The following KCNH4 variants were observed in gnomAD, a reference collection of about 807,000 sequenced individuals.
KCNH4 encodes potassium voltage-gated channel subfamily H member 4, also known as voltage-gated delayed rectifier potassium channel KCNH4.
Under a neutral mutation model 90.7 loss-of-function variants are expected in KCNH4, and 33 were observed. That is an observed-to-expected ratio of 0.36 (90% CI 0.28 to 0.49). KCNH4 has a LOEUF of 0.49. KCNH4 is among the 20% of genes least tolerant of loss of function. The pLI is 0.98. For missense variants in KCNH4, 1,044 were observed against 1,387.1 expected, an observed-to-expected ratio of 0.75 and a Z score of 3.93; for synonymous variants, 551 against 581.7, an observed-to-expected ratio of 0.95 and a Z score of 0.76.
chr17:42,173,493 G>C (rs1383202613), intron 6 of KCNH4, among the ~76,000 whole-genome samples: 30 of 151,782 alleles, frequency 2.0e-4, no homozygotes. Context: ...CATTCTCCTT[G>C]GACTAGAATA....
At chr17:42,179,053 G>T (rs781621466) in intron 1 of KCNH4, 27 bp from the exon 2 acceptor site, 21 of 1,577,934 alleles carry the variant, frequency 1.3e-5, no homozygotes, top group Non-Finnish European at 1.7e-5. Flanking sequence ...TCAAGGTCAG[G>T]TCAAGGCTGG....
At chr17:42,175,775 A>T (rs1464825759) in intron 5 of KCNH4, 39 bp from the exon 6 acceptor site, 1 of 1,611,502 alleles carries the variant, frequency 6.2e-7, no homozygotes, top group African/African-American at 1.3e-5. Flanking sequence ...GGCCTTGGCA[A>T]AGGGGTCAAG....
intron 15 of KCNH4, among the ~76,000 whole-genome samples, chr17:42,160,711 C>T (rs1356878810): frequency 1.3e-5 from 2 of 152,210 alleles, no homozygotes; most frequent in Admixed American, 6.5e-5. Context: ...GGCCACACAT[C>T]TGTGAAGTGA....
intron 14 of KCNH4, among the ~76,000 whole-genome samples, chr17:42,162,773 A>G (rs1053791229): frequency 6.6e-6 from 1 of 151,908 alleles, no homozygotes; most frequent in East Asian, 1.9e-4. Flanking sequence ...TTGTATTTTT[A>G]GTAGAGATGG....
chr17:42,178,117 C>T lies in KCNH4; in HGVS notation c.568G>A (p.Gly190Ser), dbSNP rs1451729582. ...TGHFGRRGQGGMKANNNVFEP... is the reference protein window; with the variant it reads ...TGHFGRRGQGSMKANNNVFEP... Reference sequence around the variant, plus strand: ...GGACTCACATTATTGGCCTTCATGCCTCCCTGGCCCCGGCGGCCAAAGTGG... The same window carrying T: ...GGACTCACATTATTGGCCTTCATGCTTCCCTGGCCCCGGCGGCCAAAGTGG... Residue 190 changes from glycine (G) to serine (S), a missense_variant, in exon 4 of 17, where the codon GGC (glycine) becomes AGC (serine). Gly to Ser is a moderately conservative substitution (Grantham distance 56). This residue lies in a region of KCNH4 where 283 missense variants were observed against 378.6 expected (regional missense o/e 0.75). Coordinates refer to ENST00000264661, the MANE Select transcript of KCNH4 (RefSeq NM_012285.3). 4.3e-6 allele frequency: 7 copies of T among 1,613,888 alleles called. No homozygotes were observed. The highest frequency in any genetic ancestry group is 3.3e-5 in the Admixed American group (2 of 59,984).
At chr17:42,162,559 A>C (rs534928216) in intron 14 of KCNH4, among the ~76,000 whole-genome samples, 2 of 151,200 alleles carry the variant, frequency 1.3e-5, no homozygotes, top group Admixed American at 6.6e-5. Flanking sequence ...GTCTGAACAC[A>C]GCATCCCTCT....
Position 42,159,988 on chromosome 17 carries a change from G to C in KCNH4, c.*52C>G. The C allele has an allele frequency of 7.1e-7, 1 of 1,416,156 alleles. No individual in the cohort carries two copies. Among genetic ancestry groups the C allele is most frequent in the Non-Finnish European group, 9.4e-7 (1 of 1,067,596 alleles). 87.7% of individuals were successfully genotyped at this position (1,416,156 alleles called of 1,614,324 possible). A position where few individuals can be genotyped will look rare whatever the true frequency, so the allele number is the denominator to read the frequency against. On this transcript the variant is annotated 3_prime_UTR_variant, in exon 16 of 17. Coordinates refer to ENST00000264661, the MANE Select transcript of KCNH4 (RefSeq NM_012285.3). Reference sequence around the variant, plus strand: ...AAGCCAAGGGGCCCAGGTCCTCCCTGAGTGGTGAGCGGCAGCGCCCACCCC... The same window carrying C: ...AAGCCAAGGGGCCCAGGTCCTCCCTCAGTGGTGAGCGGCAGCGCCCACCCC...
rs869250233 is a variant in KCNH4, at chr17:42,176,509, C to CTTTTTTTTTTTT, written c.586-224_586-213dup. Among the ~76,000 whole-genome samples the CTTTTTTTTTTTT allele has an allele frequency of 2.0e-4, 14 of 68,460 alleles. 3 individuals are homozygous for CTTTTTTTTTTTT. The highest frequency in any genetic ancestry group is 9.2e-4 in the African/African-American group (14 of 15,172). The allele number at this position is 68,460 out of a possible 152,430, so 44.9% of individuals were successfully genotyped here. ...GCCAAGTATTTCCCAGGCCCTCCTC[C>CTTTTTTTTTTTT]TTTTTTTTTTTTTTTTTTTTTTTTT... On this transcript the variant is annotated intron_variant, in intron 4 of 16. Coordinates refer to ENST00000264661, the MANE Select transcript of KCNH4 (RefSeq NM_012285.3).
intron 7 of KCNH4, 90 bp downstream of exon 7, chr17:42,171,698 G>T: frequency 9.0e-7 from 1 of 1,109,706 alleles, no homozygotes; most frequent in Non-Finnish European, 1.4e-6. Context: ...AGGAATGTGG[G>T]ATGAGGGGTG....
Position 42,180,782 on chromosome 17 carries a change from G to T in KCNH4, c.76+88C>A. 7.5e-7 allele frequency: 1 copy of T among 1,324,584 alleles called. No homozygotes were observed. The highest frequency in any genetic ancestry group is 1.1e-6 in the Non-Finnish European group (1 of 924,278). 82.1% of individuals were successfully genotyped at this position (1,324,584 alleles called of 1,614,324 possible). ...CCTCCATTCTCTCCCCTCGCCTCGG[G>T]TCTCACCATGTCCAGGAGATCCGAG... On this transcript the variant is annotated intron_variant, in intron 1 of 16. Coordinates refer to ENST00000264661, the MANE Select transcript of KCNH4 (RefSeq NM_012285.3). The surrounding 1 kb of genome is among the most constrained non-coding windows in gnomAD (Gnocchi z 4.7).
Position 42,165,533 on chromosome 17 carries a change from C to A in KCNH4, c.2001G>T (p.Arg667Ser). ...LSSRGLAEVL[R>S]LYPEYGAAFR... ...AGGCAGCCCCATACTCAGGATAGAG[C>A]CTCAGGACCTCAGCCAGCCCTCGGC... Residue 667 changes from arginine (R) to serine (S), a missense_variant, in exon 11 of 17, where the codon AGG becomes AGT. Arg to Ser is a moderately radical substitution (Grantham distance 110). Around this residue, in one of 4 missense-constraint regions of KCNH4, gnomAD observed 441 missense variants for 512.3 expected, o/e 0.86. Coordinates refer to ENST00000264661, the MANE Select transcript of KCNH4 (RefSeq NM_012285.3). 8 of 1,614,184 alleles carry A rather than the reference C, an allele frequency of 5.0e-6. No individual in the cohort carries two copies. The highest frequency in any genetic ancestry group is 6.8e-6 in the Non-Finnish European group (8 of 1,180,020).
At position 42,173,693 on chromosome 17, in the gene KCNH4, C is replaced by CTTTTTT. The variant is rs532100884; in HGVS notation, c.988-1704_988-1699dup. ...AGACTGGAAGTTTAGCGATCTGGTT[C>CTTTTTT]TTTTTTTTTTTTTTTTTTTTTTTTT... On this transcript the variant is annotated intron_variant, in intron 6 of 16. Transcript: ENST00000264661. Among the ~76,000 whole-genome samples the CTTTTTT allele has an allele frequency of 3.3e-4, 22 of 66,270 alleles. 1 individual carries two copies. Among genetic ancestry groups the CTTTTTT allele is most frequent in the Admixed American group, 5.5e-4 (2 of 3,616 alleles). The allele number at this position is 66,270 out of a possible 152,430, so 43.5% of individuals were successfully genotyped here.
In KCNH4 at chr17:42,169,485, C is replaced by T. The variant is rs530846940; in HGVS notation, c.1582G>A (p.Ala528Thr). 29 of 1,612,756 alleles carry T rather than the reference C, an allele frequency of 1.8e-5. No homozygotes were observed. The South Asian group carries it at 2.3e-4, about 13-fold the overall frequency. The change falls in exon 9 of 17, where the codon GCC becomes ACC. Residue 528 changes from alanine (A) to threonine (T), a missense_variant. Ala to Thr is a moderately conservative substitution (Grantham distance 58). Coordinates refer to ENST00000264661, the MANE Select transcript of KCNH4 (RefSeq NM_012285.3). ...TTWAVNSGID[A>T]NELLRDFPDE... ...GAGACCCTGCAGGCTACCTCGTTGGCGTCGATGCCGCTGTTGACGGCCCAC... is the reference window on the plus strand; with the variant it reads ...GAGACCCTGCAGGCTACCTCGTTGGTGTCGATGCCGCTGTTGACGGCCCAC...
In KCNH4 at chr17:42,163,249, G is replaced by C; in HGVS notation, c.2563C>G (p.Arg855Gly). Residue 855 changes from arginine (R) to glycine (G), a missense_variant, in exon 14 of 17, where the codon CGC (arginine) becomes GGC (glycine). Around this residue, in one of 4 missense-constraint regions of KCNH4, gnomAD observed 441 missense variants for 512.3 expected, o/e 0.86. Transcript: ENST00000264661. This position sits in a 1 kb window ranked among gnomAD's most constrained non-coding sequence, Gnocchi z 5.4. ...FSRRPELPRP[R>G]SQAPPTGTRP... ...TTACCTGTAGGGGGCGCCTGGGAGC[G>C]GGGCCTTGGCAGTTCAGGCCTCCTG... 6.2e-7 allele frequency: 1 copy of C among 1,613,698 alleles called. No homozygotes were observed. Among genetic ancestry groups the C allele is most frequent in the Non-Finnish European group, 8.5e-7 (1 of 1,179,640 alleles).
chr17:42,160,665 G>A lies in KCNH4; in HGVS notation c.2659-230C>T, dbSNP rs116386408. ...CTCCCCTACACACACACGCGCGCGC[G>A]AGCTTTCCCAAGATGTTAAAAAATG... On this transcript the variant is annotated intron_variant, in intron 15 of 16. Coordinates refer to ENST00000264661, the MANE Select transcript of KCNH4 (RefSeq NM_012285.3). Among the ~76,000 whole-genome samples, 826 of 152,246 alleles carry A rather than the reference G, an allele frequency of 5.4e-3. 4 individuals carry two copies. The highest frequency in any genetic ancestry group is 0.019 in the African/African-American group (789 of 41,556).
rs371061068 is a variant in KCNH4 at position 42,175,561 on chromosome 17, G to A, written c.987+18C>T. The A allele has an allele frequency of 8.7e-6, 14 of 1,613,990 alleles. No homozygotes were observed. The African/African-American group carries it at 9.3e-5, about 11-fold the overall frequency. On this transcript the variant is annotated intron_variant, in intron 6 of 16. Transcript: ENST00000264661. ...AAGTTGGGAGGTTGGACTGGATGGCGGGATGGAGGTCACTCACCACGGTGA... is the reference window on the plus strand; with the variant it reads ...AAGTTGGGAGGTTGGACTGGATGGCAGGATGGAGGTCACTCACCACGGTGA...
intron 11 of KCNH4, 40 bp from the exon 12 acceptor site, chr17:42,164,208 C>T: frequency 6.6e-7 from 1 of 1,513,500 alleles, no homozygotes; most frequent in Non-Finnish European, 8.9e-7. Flanking sequence ...TTCCTGCCTT[C>T]CCGCGGCCAT....
intron 4 of KCNH4, among the ~76,000 whole-genome samples, chr17:42,177,769 A>AG (rs1174861551): frequency 6.6e-6 from 1 of 152,188 alleles, no homozygotes; most frequent in Non-Finnish European, 1.5e-5. Flanking sequence ...CTTTCTCCCT[A>AG]GAACTATAGC....
chr17:42,161,821 A>G (rs369053256), intron 15 of KCNH4, among the ~76,000 whole-genome samples: 1 of 152,344 alleles, frequency 6.6e-6, no homozygotes, highest in East Asian at 1.9e-4. Context: ...TCTGGGAAGC[A>G]CATATTACTA....
Sources: gnomAD v4.1 joint callset for allele counts (sites outside exome capture counted in the v4.1 genomes callset) on GRCh38, gnomAD v4.1.1 for gene constraint, gnomAD v4.1.1 regional missense constraint, Gnocchi (gnomAD v3.1) non-coding constraint, MANE v1.5 for transcripts, NCBI Gene and HGNC (gene_info 2026-07-23, HGNC 2026-07-21) for gene names.